RARB: variants seen among roughly 807,000 people sequenced by gnomAD.
RARB encodes retinoic acid receptor beta.
Under a neutral mutation model 51.9 loss-of-function variants are expected in RARB, and 17 were observed. That is an observed-to-expected ratio of 0.33 (90% confidence interval 0.22 to 0.49). The LOEUF (loss-of-function observed/expected upper bound fraction) is 0.49. Among genes scored for constraint, RARB ranks in the 20% least tolerant of loss-of-function variants. The pLI is 0.99. For missense variants in RARB, 369 were observed against 550.8 expected (o/e 0.67, Z 3.30); for synonymous variants, 215 against 195.4 (o/e 1.10, Z -0.84).
chr3:25,376,403 G>C (rs1170132639), intron 5 of RARB, among the ~76,000 whole-genome samples: 1 of 152,222 alleles, frequency 6.6e-6, no homozygotes, highest in Non-Finnish European at 1.5e-5. Flanking sequence ...ATCAAAAGAA[G>C]AAGTTTTTGT....
intron 2 of RARB, among the ~76,000 whole-genome samples, chr3:24,876,015 CTAA>C (rs1243100525): frequency 6.6e-6 from 1 of 152,096 alleles, no homozygotes; most frequent in Non-Finnish European, 1.5e-5. Flanking sequence ...CCGTTTGGAT[CTAA>C]TAATTTCTTG....
intron 3 of RARB, among the ~76,000 whole-genome samples, chr3:25,109,966 C>A (rs570487142): frequency 6.6e-6 from 1 of 152,188 alleles, no homozygotes; most frequent in Non-Finnish European, 1.5e-5. Flanking sequence ...CGCTTATGAG[C>A]GAGAGCTACT....
At chr3:25,309,797 A>T (rs576643360) in intron 5 of RARB, among the ~76,000 whole-genome samples, 2 of 152,092 alleles carry the variant, frequency 1.3e-5, no homozygotes, top group African/African-American at 4.8e-5. Flanking sequence ...GCCCAGCCTC[A>T]TAATTGCTCT....
chr3:25,111,902 C>A (rs559206888), intron 3 of RARB, among the ~76,000 whole-genome samples: 1 of 152,106 alleles, frequency 6.6e-6, no homozygotes, highest in Non-Finnish European at 1.5e-5. Flanking sequence ...TCATTTCCCC[C>A]CTTTTACTCT....
At chr3:25,292,677 C>T (rs951567094) in intron 5 of RARB, among the ~76,000 whole-genome samples, 1 of 152,138 alleles carries the variant, frequency 6.6e-6, no homozygotes, top group Non-Finnish European at 1.5e-5. Flanking sequence ...ACCAAAGTCT[C>T]CAGAAGCTAG....
intron 5 of RARB, among the ~76,000 whole-genome samples, chr3:25,360,176 A>G (rs1277845044): frequency 6.6e-6 from 1 of 152,160 alleles, no homozygotes; most frequent in African/African-American, 2.4e-5. Flanking sequence ...GGGTGCATAT[A>G]TATTTAGGAG....
chr3:25,143,129 C>T (rs1056870761), intron 4 of RARB, among the ~76,000 whole-genome samples: 15 of 152,206 alleles, frequency 9.9e-5, no homozygotes, highest in African/African-American at 3.4e-4. Context: ...GAATTATTTG[C>T]TCTTTTTGCC....
chr3:25,009,207 A>G (rs940352796), intron 2 of RARB, among the ~76,000 whole-genome samples: 5 of 152,130 alleles, frequency 3.3e-5, no homozygotes, highest in African/African-American at 9.7e-5. Context: ...CCCAAATTCT[A>G]TGACTCTTAA....
At chr3:25,447,357 C>A (rs756326509) in intron 1 of RARB, among the ~76,000 whole-genome samples, 2 of 152,126 alleles carry the variant, frequency 1.3e-5, no homozygotes, top group Non-Finnish European at 2.9e-5. Context: ...AGCCTCTGAC[C>A]CCCATCAGAT....
At chr3:25,189,037 A>T (rs182969800) in intron 5 of RARB, among the ~76,000 whole-genome samples, 2 of 152,292 alleles carry the variant, frequency 1.3e-5, no homozygotes. Flanking sequence ...CATATAGTTG[A>T]CAGAGTTCAT....
chr3:25,253,455 T>G (rs567343747), intron 5 of RARB, among the ~76,000 whole-genome samples: 35 of 152,292 alleles, frequency 2.3e-4, no homozygotes, highest in Admixed American at 1.7e-3. Flanking sequence ...CTATAAAATA[T>G]TCAAAGAAAT....
At chr3:25,578,306 C>A (rs1701025619) in intron 4 of RARB, among the ~76,000 whole-genome samples, 1 of 152,204 alleles carries the variant, frequency 6.6e-6, no homozygotes, top group Non-Finnish European at 1.5e-5. Context: ...ACTGCCTCTT[C>A]CCTTCAGTTT....
At chr3:25,437,356 T>C (rs1708479199) in intron 1 of RARB, among the ~76,000 whole-genome samples, 1 of 152,190 alleles carries the variant, frequency 6.6e-6, no homozygotes, top group Admixed American at 6.5e-5. Context: ...AAAGATGCTG[T>C]CGTGGCACAG....
intron 2 of RARB, among the ~76,000 whole-genome samples, chr3:25,050,797 C>G (rs1698317603): frequency 1.3e-5 from 2 of 152,198 alleles, no homozygotes; most frequent in Admixed American, 1.3e-4. Context: ...ATATTCAACA[C>G]TTATGAATAT....
chr3:25,217,845 C>T (rs1204022660), intron 5 of RARB, among the ~76,000 whole-genome samples: 1 of 152,120 alleles, frequency 6.6e-6, no homozygotes, highest in Non-Finnish European at 1.5e-5. Context: ...ATGCACCAAA[C>T]CCTAAAGGCA....
chr3:25,306,902 T>C (rs566461754), intron 5 of RARB, among the ~76,000 whole-genome samples: 20 of 152,118 alleles, frequency 1.3e-4, no homozygotes, highest in Admixed American at 3.9e-4. Context: ...GCTCCATCCT[T>C]GGTGGGAGTC....
chr3:25,310,719 C>T (rs1479319409), intron 5 of RARB, among the ~76,000 whole-genome samples: 1 of 152,176 alleles, frequency 6.6e-6, no homozygotes, highest in African/African-American at 2.4e-5. Flanking sequence ...TTACCCCTCT[C>T]TGTTCACACA....
intron 5 of RARB, among the ~76,000 whole-genome samples, chr3:25,365,711 A>C (rs978201688): frequency 6.6e-6 from 1 of 152,186 alleles, no homozygotes; most frequent in Non-Finnish European, 1.5e-5. Flanking sequence ...GGATAATTCA[A>C]AGGTTGAGAT....
intron 5 of RARB, among the ~76,000 whole-genome samples, chr3:25,245,866 T>C (rs1216522297): frequency 3.3e-5 from 5 of 152,146 alleles, no homozygotes; most frequent in Non-Finnish European, 4.4e-5. Context: ...TGTTGGCCTG[T>C]CTTGCTGGGT....
Sources: gnomAD v4.1 joint callset for allele counts (sites outside exome capture counted in the v4.1 genomes callset) on GRCh38, gnomAD v4.1.1 for gene constraint, MANE v1.5 for transcripts, NCBI Gene and HGNC (gene_info 2026-07-23, HGNC 2026-07-21) for gene names.